KIF1C: variants seen among roughly 807,000 people sequenced by gnomAD.
KIF1C encodes kinesin-like protein KIF1C.
In KIF1C, 61 loss-of-function variants were observed where a neutral mutation model predicts 126.5. The ratio of observed to expected loss-of-function variants is 0.48; its 90% CI spans 0.39 to 0.60. The LOEUF (loss-of-function observed/expected upper bound fraction) is 0.60. KIF1C is among the 20% of genes least tolerant of loss of function. KIF1C has a pLI of 0.00. For missense variants in KIF1C, 1,315 were observed against 1,489.2 expected (o/e 0.88, Z 1.93); for synonymous variants, 640 against 580.6 (o/e 1.10, Z -1.47).
Position 5,014,854 on chromosome 17 carries a change from TGAGAGAGGCCAGACAGG to T in KIF1C, c.1666+28_1666+44del. 1.3e-6 allele frequency: 2 copies of T among 1,559,808 alleles called. No individual in the cohort carries two copies. The highest frequency in any genetic ancestry group is 1.7e-4 in the Middle Eastern group (1 of 5,986). On this transcript the variant is annotated intron_variant, in intron 18 of 22. Transcript: ENST00000320785. Reference sequence around the variant, plus strand: ...ATGGAGAAGGTAATGGCTGAGGGGGTGAGAGAGGCCAGACAGGGAGAGAGGCCCCATGTTCCACCCCA... The same window carrying T: ...ATGGAGAAGGTAATGGCTGAGGGGGTGAGAGAGGCCCCATGTTCCACCCCA...
rs759759468 is a variant in KIF1C at position 5,022,433 on chromosome 17, C to T, written c.2352C>T (p.Arg784=). The T allele has an allele frequency of 1.3e-6, 2 of 1,581,444 alleles. No homozygotes were observed. Among genetic ancestry groups the T allele is most frequent in the African/African-American group, 1.3e-5 (1 of 74,346 alleles). Residue 784 remains arginine (R), a synonymous_variant, in exon 22 of 23, where the codon CGC becomes CGT. Transcript: ENST00000320785. This position sits in a 1 kb window ranked among gnomAD's most constrained non-coding sequence, Gnocchi z 4.9. ...CCCTCAAGATGCGGGAGCTGTGTCG[C>T]ACCTATGGCAAGCCAGACGGCCCCG... The part of the protein sequence containing the change: ...LAALKMRELC[R]TYGKPDGPGD...
chr17:5,017,601 C>G (rs1975001854), intron 18 of KIF1C, among the ~76,000 whole-genome samples: 1 of 152,112 alleles, frequency 6.6e-6, no homozygotes, highest in African/African-American at 2.4e-5. Context: ...ACGCGCCCAG[C>G]CTGGGCCTCA....
intron 18 of KIF1C, among the ~76,000 whole-genome samples, chr17:5,019,026 T>G (rs1975035753): frequency 6.6e-6 from 1 of 152,106 alleles, no homozygotes; most frequent in African/African-American, 2.4e-5. Flanking sequence ...CGACCCACCG[T>G]GATGCCCTTG....
At chr17:5,000,145 C>T (rs900829248) in intron 2 of KIF1C, 75 bp from the exon 3 acceptor site, 12 of 798,444 alleles carry the variant, frequency 1.5e-5, no homozygotes, top group Non-Finnish European at 2.1e-5. Flanking sequence ...AGACTGGTTC[C>T]GGGAAGAAGC....
Position 5,023,791 on chromosome 17 carries a change from C to T in KIF1C, c.2952C>T (p.Asn984=), listed in dbSNP as rs750130519. 6.6e-7 allele frequency: 1 copy of T among 1,519,430 alleles called. No homozygotes were observed. Among genetic ancestry groups the T allele is most frequent in the Admixed American group, 2.3e-5 (1 of 44,300 alleles). 94.1% of individuals were successfully genotyped at this position (1,519,430 alleles called of 1,614,324 possible). A position where few individuals can be genotyped will look rare whatever the true frequency, so the allele number is the denominator to read the frequency against. Residue 984 remains asparagine (N), a synonymous_variant, in exon 23 of 23, where the codon AAC becomes AAT. Coordinates refer to ENST00000320785, the MANE Select transcript of KIF1C (RefSeq NM_006612.6). The surrounding 1 kb of genome is among the most constrained non-coding windows in gnomAD (Gnocchi z 4.2). The part of the protein sequence containing the change: ...DCKLRFPFKS[N]PQHRESWPGM... ...AGCTACGCTTCCCCTTCAAGAGCAACCCCCAGCACCGGGAGTCTTGGCCAG... is the reference window on the plus strand; with the variant it reads ...AGCTACGCTTCCCCTTCAAGAGCAATCCCCAGCACCGGGAGTCTTGGCCAG...
Position 5,026,905 on chromosome 17 carries a change from T to A in KIF1C, c.*2754T>A, listed in dbSNP as rs1288125136. ...GAATTTGAGACCAGCCTGGGCAACA[T>A]AGTGAGACTGCCCCCCCCATCTCTA... On this transcript the variant is annotated 3_prime_UTR_variant, in exon 23 of 23. Coordinates refer to ENST00000320785, the MANE Select transcript of KIF1C (RefSeq NM_006612.6). 3 of 151,390 alleles carry A rather than the reference T, an allele frequency of 2.0e-5. No individual in the cohort carries two copies. The highest frequency in any genetic ancestry group is 4.8e-5 in the African/African-American group (2 of 41,336). 9.4% of individuals were successfully genotyped at this position (151,390 alleles called of 1,614,324 possible). A position where few individuals can be genotyped will look rare whatever the true frequency, so the allele number is the denominator to read the frequency against.
rs193144796 is a variant in KIF1C at position 5,023,802 on chromosome 17, G to A, written c.2963G>A (p.Arg988Gln). Reference sequence around the variant, plus strand: ...CCCTTCAAGAGCAACCCCCAGCACCGGGAGTCTTGGCCAGGGATGGGGAGC... The same window carrying A: ...CCCTTCAAGAGCAACCCCCAGCACCAGGAGTCTTGGCCAGGGATGGGGAGC... ...RFPFKSNPQH[R>Q]ESWPGMGSGE... The change falls in exon 23 of 23, where the codon CGG becomes CAG. Residue 988 changes from arginine (R) to glutamine (Q), a missense_variant. This residue lies in a region of KIF1C where 441 missense variants were observed against 436.1 expected (regional missense o/e 1.01). Transcript: ENST00000320785. The surrounding 1 kb of genome is among the most constrained non-coding windows in gnomAD (Gnocchi z 4.2). The A allele has an allele frequency of 6.5e-5, 99 of 1,518,732 alleles. 1 individual carries two copies. In the Middle Eastern group the frequency reaches 1.1e-3, roughly 17 times the overall value. 94.1% of individuals were successfully genotyped at this position (1,518,732 alleles called of 1,614,324 possible).
chr17:5,021,668 G>A (rs112223326), intron 21 of KIF1C, among the ~76,000 whole-genome samples: 5,813 of 151,982 alleles, frequency 0.038, 340 homozygotes, highest in African/African-American at 0.13. Flanking sequence ...TTTTGTAGAG[G>A]TGGGGGTCTC....
chr17:5,019,521 G>A (rs1376137888), intron 18 of KIF1C: 1 of 178,118 alleles, frequency 5.6e-6, no homozygotes. Flanking sequence ...TCACATGTCA[G>A]CTGTGGCTTG....
intron 1 of KIF1C, among the ~76,000 whole-genome samples, chr17:4,998,656 C>A (rs1054921235): frequency 2.0e-5 from 3 of 152,218 alleles, no homozygotes; most frequent in Non-Finnish European, 2.9e-5. Flanking sequence ...CAGGGCTGTT[C>A]TTCCTGAGCC....
At chr17:5,011,252 G>T (rs1362794725) in intron 16 of KIF1C, among the ~76,000 whole-genome samples, 4 of 152,206 alleles carry the variant, frequency 2.6e-5, no homozygotes, top group Admixed American at 1.3e-4. Flanking sequence ...ACAGGGAATA[G>T]TTGGGTCTTA....
At chr17:5,009,887 C>T (rs1477769071) in intron 16 of KIF1C, among the ~76,000 whole-genome samples, 1 of 151,858 alleles carries the variant, frequency 6.6e-6, no homozygotes, top group African/African-American at 2.4e-5. Flanking sequence ...CACATTTACT[C>T]ACATTCACGG....
chr17:5,004,821 C>T (rs1286701782), intron 12 of KIF1C, 34 bp from the exon 13 acceptor site: 6 of 1,613,766 alleles, frequency 3.7e-6, no homozygotes, highest in Non-Finnish European at 4.2e-6. Context: ...CCCCTGCCCC[C>T]AGGCCTCACC....
intron 18 of KIF1C, among the ~76,000 whole-genome samples, chr17:5,016,860 T>A (rs530348128): frequency 6.7e-6 from 1 of 149,664 alleles, no homozygotes; most frequent in East Asian, 2.0e-4. Flanking sequence ...GAGCTGAGAT[T>A]GCGCCACTGC....
intron 6 of KIF1C, 89 bp from the exon 7 acceptor site, chr17:5,002,375 A>T: frequency 7.8e-7 from 1 of 1,276,728 alleles, no homozygotes; most frequent in Non-Finnish European, 1.1e-6. Context: ...AGCTGCAGTC[A>T]CCTGGATCGT....
At position 5,027,677 on chromosome 17, in the gene KIF1C, C is replaced by G. The variant is rs1975231249; in HGVS notation, c.*3526C>G. 1 of 152,214 alleles carries G rather than the reference C, an allele frequency of 6.6e-6. No individual in the cohort carries two copies. Among genetic ancestry groups the G allele is most frequent in the Admixed American group, 6.6e-5 (1 of 15,254 alleles). 9.4% of individuals were successfully genotyped at this position (152,214 alleles called of 1,614,324 possible). The stretch of plus-strand genomic sequence containing the variant: ...ACTAAAGCCCAAACCCCATCTCACC[C>G]CTCTAGGCCATCAAGTATTGGCTGG... On this transcript the variant is annotated 3_prime_UTR_variant, in exon 23 of 23. Coordinates refer to ENST00000320785, the MANE Select transcript of KIF1C (RefSeq NM_006612.6).
chr17:5,008,322 C>T (rs934391993), intron 16 of KIF1C, among the ~76,000 whole-genome samples: 9 of 152,126 alleles, frequency 5.9e-5, no homozygotes, highest in East Asian at 5.8e-4. Flanking sequence ...CAGCCAGCAC[C>T]GCTGTACCGG....
intron 13 of KIF1C, 69 bp downstream of exon 13, chr17:5,005,069 T>C (rs1974695706): frequency 6.3e-7 from 1 of 1,599,708 alleles, no homozygotes; most frequent in African/African-American, 1.3e-5. Context: ...CACTTGCCTT[T>C]GCCCAGTCCT....
At position 5,026,858 on chromosome 17, in the gene KIF1C, TG is replaced by T; in HGVS notation, c.*2710del. 6.7e-6 allele frequency: 1 copy of T among 149,528 alleles called. No individual in the cohort carries two copies. The highest frequency in any genetic ancestry group is 2.1e-4 in the South Asian group (1 of 4,688). 9.3% of individuals were successfully genotyped at this position (149,528 alleles called of 1,614,324 possible). ...ATCCCAACACTTTGGAATATTAGGG[TG>T]GGAGCATCACTTGAGGCCAGGAATT... On this transcript the variant is annotated 3_prime_UTR_variant, in exon 23 of 23. Coordinates refer to ENST00000320785, the MANE Select transcript of KIF1C (RefSeq NM_006612.6).
Sources: gnomAD v4.1 joint callset for allele counts (sites outside exome capture counted in the v4.1 genomes callset) on GRCh38, gnomAD v4.1.1 for gene constraint, gnomAD v4.1.1 regional missense constraint, Gnocchi (gnomAD v3.1) non-coding constraint, MANE v1.5 for transcripts, NCBI Gene and HGNC (gene_info 2026-07-23, HGNC 2026-07-21) for gene names.